UBR3: variants seen among roughly 807,000 people sequenced by gnomAD.
The protein encoded by UBR3 is ubiquitin protein ligase E3 component n-recognin 3.
A neutral mutation model predicts 243.2 loss-of-function variants in UBR3; 85 were observed. The ratio of observed to expected loss-of-function variants is 0.35; its 90% CI spans 0.29 to 0.42. The LOEUF is 0.42. Among genes scored for constraint, UBR3 ranks in the 10% least tolerant of loss-of-function variants. The probability of loss-of-function intolerance (pLI) is 1.00; values close to 1 mark genes in which losing one functional copy is unlikely to be tolerated. For synonymous variants in UBR3, 748 were observed against 799.8 expected (o/e 0.94, Z 1.09); for missense variants, 1,686 against 2,300.8 (o/e 0.73, Z 5.47).
intron 25 of UBR3, among the ~76,000 whole-genome samples, chr2:169,992,319 A>G (rs564029081): frequency 5.9e-5 from 9 of 152,326 alleles, no homozygotes; most frequent in South Asian, 2.1e-4. Context: ...GGTGAATTCT[A>G]TCAGTCATTT....
At chr2:169,947,362 A>C (rs2086824644) in intron 21 of UBR3, 180 bp from the exon 22 acceptor site, 1 of 422,984 alleles carries the variant, frequency 2.4e-6, no homozygotes, top group Non-Finnish European at 4.0e-6. Flanking sequence ...ATATTCCTGC[A>C]TTTTTTGTTT....
chr2:169,836,706 A>G (rs1353706866), intron 1 of UBR3, among the ~76,000 whole-genome samples: 1 of 151,160 alleles, frequency 6.6e-6, no homozygotes, highest in African/African-American at 2.4e-5. Flanking sequence ...AATCTGTTGG[A>G]TACAAACATC....
intron 24 of UBR3, among the ~76,000 whole-genome samples, chr2:169,981,242 G>A (rs192567468): frequency 5.2e-4 from 79 of 152,180 alleles, no homozygotes; most frequent in African/African-American, 1.7e-3. Flanking sequence ...GCATGTAATG[G>A]CTTCTTGGTG....
chr2:170,001,445 G>A (rs778771206), intron 27 of UBR3, 31 bp downstream of exon 27: 7 of 1,332,104 alleles, frequency 5.3e-6, no homozygotes, highest in Non-Finnish European at 7.6e-6. Flanking sequence ...TTTTAAAGGT[G>A]CATGTATCTT....
chr2:169,887,397 T>C (rs1385661932), intron 5 of UBR3, among the ~76,000 whole-genome samples: 1 of 152,230 alleles, frequency 6.6e-6, no homozygotes, highest in East Asian at 1.9e-4. Context: ...CAAATGAACC[T>C]TAGCTCCACA....
At chr2:169,894,444 T>C (rs948728288) in intron 6 of UBR3, among the ~76,000 whole-genome samples, 15 of 151,808 alleles carry the variant, frequency 9.9e-5, no homozygotes, top group Non-Finnish European at 2.1e-4. Context: ...AGTTGGAAGA[T>C]ATTTTTGCCT....
chr2:169,864,901 C>T (rs1465632664), intron 1 of UBR3, among the ~76,000 whole-genome samples: 8 of 129,432 alleles, frequency 6.2e-5, no homozygotes, highest in South Asian at 2.5e-4. Context: ...AGCGAGACTC[C>T]GTCTCAAAAA....
chr2:169,931,626 A>G (rs1213775931), intron 18 of UBR3, among the ~76,000 whole-genome samples: 1 of 152,122 alleles, frequency 6.6e-6, no homozygotes, highest in Non-Finnish European at 1.5e-5. Flanking sequence ...AAAAAAATCT[A>G]TTAAGGAGAT....
chr2:169,845,556 T>C (rs1230160444), intron 1 of UBR3, among the ~76,000 whole-genome samples: 3 of 150,328 alleles, frequency 2.0e-5, no homozygotes, highest in Non-Finnish European at 4.4e-5. Flanking sequence ...TTCTTCTTTC[T>C]TCTTCTTCTT....
intron 1 of UBR3, among the ~76,000 whole-genome samples, chr2:169,842,853 C>T (rs1443536655): frequency 6.6e-6 from 1 of 152,236 alleles, no homozygotes; most frequent in Non-Finnish European, 1.5e-5. Context: ...ATTCTGGACA[C>T]AGTAGGACAT....
At chr2:170,038,175 T>C (rs2105429541) in intron 31 of UBR3, among the ~76,000 whole-genome samples, 1 of 152,316 alleles carries the variant, frequency 6.6e-6, no homozygotes, top group African/African-American at 2.4e-5. Flanking sequence ...TGTTGGTCTG[T>C]AGGTTATCAT....
At chr2:170,055,426 T>C (rs1559222356) in intron 32 of UBR3, 34 bp from the exon 33 acceptor site, 1 of 1,603,132 alleles carries the variant, frequency 6.2e-7, no homozygotes, top group Admixed American at 1.7e-5. Context: ...AATATCTAGA[T>C]TCCAAAGAAA....
At chr2:169,854,454 A>G (rs1313262792) in intron 1 of UBR3, among the ~76,000 whole-genome samples, 1 of 152,220 alleles carries the variant, frequency 6.6e-6, no homozygotes, top group Non-Finnish European at 1.5e-5. Flanking sequence ...AACACTGGTA[A>G]TTAGAGTTAA....
At chr2:169,976,548 T>C (rs528606824) in intron 24 of UBR3, among the ~76,000 whole-genome samples, 2 of 152,142 alleles carry the variant, frequency 1.3e-5, no homozygotes, top group South Asian at 2.1e-4. Context: ...GGTAGGCAAT[T>C]CTTTTCTTTC....
intron 5 of UBR3, among the ~76,000 whole-genome samples, chr2:169,881,592 A>T (rs138675714): frequency 0.012 from 1,489 of 129,104 alleles, 12 homozygotes; most frequent in Non-Finnish European, 0.018. Flanking sequence ...TTGTTTAGCC[A>T]GAGGTATCTA....
At chr2:170,003,946 C>T (rs1347469593) in intron 27 of UBR3, among the ~76,000 whole-genome samples, 2 of 151,920 alleles carry the variant, frequency 1.3e-5, no homozygotes, top group Non-Finnish European at 2.9e-5. Context: ...GGCCATCTGC[C>T]AGGTTCCAGA....
intron 15 of UBR3, 24 bp downstream of exon 15, chr2:169,926,768 G>A (rs1350540042): frequency 6.5e-7 from 1 of 1,545,890 alleles, no homozygotes; most frequent in Admixed American, 2.0e-5. Flanking sequence ...TATTAAGACA[G>A]GTATTAGGAA....
At chr2:169,870,970 A>G (rs2083419716) in intron 1 of UBR3, among the ~76,000 whole-genome samples, 1 of 152,096 alleles carries the variant, frequency 6.6e-6, no homozygotes, top group Admixed American at 6.6e-5. Flanking sequence ...GTCTTTAAAA[A>G]AAAAAAAAAA....
At chr2:170,058,449 ATTTCT>A (rs1244124145) in intron 33 of UBR3, among the ~76,000 whole-genome samples, 1 of 150,586 alleles carries the variant, frequency 6.6e-6, no homozygotes, top group African/African-American at 2.4e-5. Flanking sequence ...TTATACTAGA[ATTTCT>A]TTTCTTTTTT....
Sources: allele counts gnomAD v4.1 joint callset (sites outside exome capture counted in the v4.1 genomes callset), GRCh38; gene constraint gnomAD v4.1.1; transcripts MANE v1.5; gene names NCBI Gene and HGNC (gene_info 2026-07-23, HGNC 2026-07-21).